Variants in RIMS2 observed in about 807,000 individuals in gnomAD.
The protein encoded by RIMS2 is regulating synaptic membrane exocytosis 2.
RIMS2 carries 59 observed loss-of-function variants against 174.4 expected under a neutral mutation model. That is an observed-to-expected ratio of 0.34 (90% CI 0.27 to 0.42). The LOEUF is 0.42. Among genes scored for constraint, RIMS2 ranks in the 10% least tolerant of loss-of-function variants. RIMS2 has a pLI of 1.00. For missense variants in RIMS2, 1,620 were observed against 1,666.3 expected (o/e 0.97, Z 0.48); for synonymous variants, 606 against 572.5 (o/e 1.06, Z -0.84).
At chr8:104,110,488 C>T (rs1330816858) in intron 19 of RIMS2, among the ~76,000 whole-genome samples, 1 of 152,024 alleles carries the variant, frequency 6.6e-6, no homozygotes, top group African/African-American at 2.4e-5. Context: ...TGATCCAAAC[C>T]AAGCATAAGG....
chr8:104,018,535 T>C (rs189610366), intron 19 of RIMS2, among the ~76,000 whole-genome samples: 2 of 152,214 alleles, frequency 1.3e-5, no homozygotes, highest in Non-Finnish European at 1.5e-5. Context: ...ACTAGAATTA[T>C]AGGTAGTGCC....
chr8:103,620,473 C>G (rs1316195503), intron 1 of RIMS2, among the ~76,000 whole-genome samples: 1 of 152,008 alleles, frequency 6.6e-6, no homozygotes, highest in African/African-American at 2.4e-5. Flanking sequence ...ACTACTTACT[C>G]AAGCTTATCA....
chr8:104,101,102 G>A (rs1566397703), intron 19 of RIMS2, among the ~76,000 whole-genome samples: 3 of 120,956 alleles, frequency 2.5e-5, no homozygotes, highest in African/African-American at 6.6e-5. Context: ...ATATAATATT[G>A]CATATATTAT....
intron 3 of RIMS2, chr8:103,768,423 A>G: frequency 1.3e-6 from 1 of 757,034 alleles, no homozygotes; most frequent in Admixed American, 1.7e-5. Flanking sequence ...TGGAAGGGTT[A>G]TGTGGTCCTA....
At chr8:103,610,299 C>T (rs1450635571) in intron 1 of RIMS2, among the ~76,000 whole-genome samples, 1 of 152,136 alleles carries the variant, frequency 6.6e-6, no homozygotes, top group Non-Finnish European at 1.5e-5. Context: ...GACTTTCTGT[C>T]TTCCTATTTG....
chr8:103,889,481 A>T (rs540177949), intron 4 of RIMS2, among the ~76,000 whole-genome samples: 1 of 151,802 alleles, frequency 6.6e-6, no homozygotes, highest in African/African-American at 2.4e-5. Flanking sequence ...GTTAACCAAC[A>T]CTTTATAAAT....
Position 103,911,958 on chromosome 8 carries a change from G to A in RIMS2, c.1693-95G>A. ...CACTGAAATTCTGAAGTTTAGAGAG[G>A]TCGTACAATCAGAGATCATTTGTCA... On this transcript the variant is annotated intron_variant, in intron 5 of 23. Transcript: ENST00000504942. 7.5e-6 allele frequency: 7 copies of A among 938,378 alleles called. No individual in the cohort carries two copies. The South Asian group carries it at 1.4e-4, about 19-fold the overall frequency. The allele number at this position is 938,378 out of a possible 1,614,324, so 58.1% of individuals were successfully genotyped here.
chr8:104,218,044 T>C (rs1289048880), intron 19 of RIMS2, among the ~76,000 whole-genome samples: 1 of 152,226 alleles, frequency 6.6e-6, no homozygotes, highest in African/African-American at 2.4e-5. Context: ...AGGTAATTGA[T>C]ACCAGTTGTG....
chr8:103,713,680 A>G (rs572624044), intron 2 of RIMS2, among the ~76,000 whole-genome samples: 2 of 152,254 alleles, frequency 1.3e-5, no homozygotes, highest in East Asian at 3.9e-4. Context: ...CACATCCTTC[A>G]AATACTGCTA....
chr8:103,801,744 C>A (rs1468009051), intron 3 of RIMS2, among the ~76,000 whole-genome samples: 2 of 152,044 alleles, frequency 1.3e-5, no homozygotes, highest in African/African-American at 4.8e-5. Flanking sequence ...TTGTTTTGTC[C>A]TTCTTATTTA....
chr8:103,820,689 A>G (rs1050008624), intron 3 of RIMS2, among the ~76,000 whole-genome samples: 2 of 151,988 alleles, frequency 1.3e-5, no homozygotes, highest in Admixed American at 6.6e-5. Flanking sequence ...ATGGGATAAC[A>G]TATCTATTTC....
intron 2 of RIMS2, among the ~76,000 whole-genome samples, chr8:103,711,725 A>C (rs1379265949): frequency 2.0e-5 from 3 of 151,902 alleles, no homozygotes; most frequent in Non-Finnish European, 4.4e-5. Flanking sequence ...GTGAAACCTC[A>C]TCTCTACCAA....
At chr8:103,564,336 A>G (rs559672490) in intron 1 of RIMS2, among the ~76,000 whole-genome samples, 2 of 152,264 alleles carry the variant, frequency 1.3e-5, no homozygotes, top group East Asian at 3.9e-4. Context: ...GCCATCTGTC[A>G]TTGTTTGTAT....
At chr8:104,003,954 T>A (rs2095482478) in intron 17 of RIMS2, among the ~76,000 whole-genome samples, 1 of 152,104 alleles carries the variant, frequency 6.6e-6, no homozygotes. Context: ...CAGCAATACT[T>A]GATAAATAAT....
chr8:104,018,590 G>C (rs1169969810), intron 19 of RIMS2, among the ~76,000 whole-genome samples: 3 of 152,216 alleles, frequency 2.0e-5, no homozygotes, highest in South Asian at 2.1e-4. Context: ...TTTACATTCA[G>C]TTCATTTGTT....
chr8:103,556,499 T>C (rs1433113841), intron 1 of RIMS2, among the ~76,000 whole-genome samples: 2 of 152,188 alleles, frequency 1.3e-5, no homozygotes, highest in African/African-American at 4.8e-5. Flanking sequence ...ACAGATGCAG[T>C]AACTGAAATT....
intron 19 of RIMS2, among the ~76,000 whole-genome samples, chr8:104,226,052 C>T (rs533753370): frequency 6.6e-6 from 1 of 152,116 alleles, no homozygotes; most frequent in Admixed American, 6.5e-5. Flanking sequence ...TTTGAGACAC[C>T]CACACAGGAT....
At position 103,885,284 on chromosome 8, in the gene RIMS2, C is replaced by T. The variant is rs757064818; in HGVS notation, c.699-14C>T. The T allele has an allele frequency of 3.2e-6, 5 of 1,545,000 alleles. No homozygotes were observed. Among genetic ancestry groups the T allele is most frequent in the Non-Finnish European group, 2.6e-6 (3 of 1,145,720 alleles). Reference sequence around the variant, plus strand: ...TTTTGCTCTTCTCATTGTTCTTTTCCTTTGGTTACTTAGGAAAAGAAGCCC... The same window carrying T: ...TTTTGCTCTTCTCATTGTTCTTTTCTTTTGGTTACTTAGGAAAAGAAGCCC... On this transcript the variant is annotated splice_polypyrimidine_tract_variant and intron_variant, in intron 3 of 23. Coordinates refer to ENST00000504942, the Ensembl canonical transcript of RIMS2.
chr8:103,554,921 A>C (rs1028776244), intron 1 of RIMS2, among the ~76,000 whole-genome samples: 2 of 152,204 alleles, frequency 1.3e-5, no homozygotes, highest in Non-Finnish European at 2.9e-5. Context: ...CAAGTGAACT[A>C]ATGTGGGAAC....
Sources: gnomAD v4.1 joint callset for allele counts (sites outside exome capture counted in the v4.1 genomes callset) on GRCh38, gnomAD v4.1.1 for gene constraint, MANE v1.5 for transcripts, NCBI Gene and HGNC (gene_info 2026-07-23, HGNC 2026-07-21) for gene names.